Variants in CDH18 observed in about 807,000 individuals in gnomAD.
CDH18 encodes cadherin 18.
A neutral mutation model predicts 67.9 loss-of-function variants in CDH18; 31 were observed. The ratio of observed to expected loss-of-function variants is 0.46; its 90% CI spans 0.34 to 0.62. The LOEUF is 0.62. CDH18 is among the 20% of genes least tolerant of loss of function. The pLI is 0.01. For missense variants in CDH18, 890 were observed against 975.5 expected, an observed-to-expected ratio of 0.91 and a Z score of 1.17; for synonymous variants, 362 against 347.2, an observed-to-expected ratio of 1.04 and a Z score of -0.48.
chr5:19,816,650 T>C (rs1779316560), intron 3 of CDH18, among the ~76,000 whole-genome samples: 1 of 151,804 alleles, frequency 6.6e-6, no homozygotes, highest in Non-Finnish European at 1.5e-5. Flanking sequence ...AAATAGGAAG[T>C]CAGATGTATT....
At chr5:19,917,679 C>A (rs1791979343) in intron 2 of CDH18, among the ~76,000 whole-genome samples, 1 of 152,090 alleles carries the variant, frequency 6.6e-6, no homozygotes, top group South Asian at 2.1e-4. Flanking sequence ...CACAGTAATA[C>A]ATATCATATT....
rs751281107 is a variant in CDH18 at position 19,473,658 on chromosome 5, T to G, written c.1941A>C (p.Ser647=). ...CCACGTTCTCCCGTACATCCTCTTC[T>G]GAAATGATCAAGGGCTCTTTTTTGC... ...RRSKKEPLII[S]EEDVRENVVT... is the part of the protein sequence containing the mutation. Residue 647 remains serine (S), a synonymous_variant, in exon 13 of 13, where the codon TCA becomes TCC. Transcript: ENST00000382275. 6.8e-6 allele frequency: 11 copies of G among 1,613,752 alleles called. No homozygotes were observed. The highest frequency in any genetic ancestry group is 9.3e-6 in the Non-Finnish European group (11 of 1,179,808).
chr5:20,532,523 T>C (rs949713251), intron 1 of CDH18, among the ~76,000 whole-genome samples: 1 of 152,118 alleles, frequency 6.6e-6, no homozygotes, highest in Admixed American at 6.6e-5. Flanking sequence ...TGACCTTCTT[T>C]AACTGATTTC....
chr5:19,506,958 T>C (rs977903150), intron 10 of CDH18, among the ~76,000 whole-genome samples: 1 of 152,006 alleles, frequency 6.6e-6, no homozygotes, highest in African/African-American at 2.4e-5. Context: ...ACCATCAGAG[T>C]GAACAGGCAA....
chr5:19,984,012 T>C (rs1046478928), intron 1 of CDH18, among the ~76,000 whole-genome samples: 1 of 152,188 alleles, frequency 6.6e-6, no homozygotes, highest in African/African-American at 2.4e-5. Context: ...AACATTGAAC[T>C]AAGCATCAGA....
intron 2 of CDH18, among the ~76,000 whole-genome samples, chr5:20,175,154 G>A (rs1737134048): frequency 6.6e-6 from 1 of 151,754 alleles, no homozygotes; most frequent in African/African-American, 2.4e-5. Context: ...ACAAGAGGAA[G>A]AAAAAGGAAA....
intron 7 of CDH18, among the ~76,000 whole-genome samples, chr5:19,589,735 C>G (rs909521190): frequency 5.9e-5 from 9 of 152,022 alleles, no homozygotes; most frequent in African/African-American, 2.2e-4. Flanking sequence ...GCTCTTGTGC[C>G]CACTGACTGC....
At chr5:19,779,194 GCAGA>G (rs1196216361) in intron 3 of CDH18, among the ~76,000 whole-genome samples, 1 of 152,126 alleles carries the variant, frequency 6.6e-6, no homozygotes, top group Admixed American at 6.6e-5. Flanking sequence ...CAAGTTAATA[GCAGA>G]CAGAGACTCA....
At chr5:20,521,179 G>A (rs147499891) in intron 1 of CDH18, among the ~76,000 whole-genome samples, 2 of 152,250 alleles carry the variant, frequency 1.3e-5, no homozygotes, top group East Asian at 1.9e-4. Flanking sequence ...TGGGAGGTGT[G>A]AGGTGTCAAT....
intron 7 of CDH18, among the ~76,000 whole-genome samples, chr5:19,587,606 T>C (rs1196959180): frequency 6.6e-6 from 1 of 151,894 alleles, no homozygotes; most frequent in Non-Finnish European, 1.5e-5. Flanking sequence ...GTGGTAAGTA[T>C]GCAGTCTTAT....
chr5:20,237,032 GA>G (rs1175877785), intron 2 of CDH18, among the ~76,000 whole-genome samples: 1 of 151,806 alleles, frequency 6.6e-6, no homozygotes, highest in Non-Finnish European at 1.5e-5. Context: ...ATTTCTCACA[GA>G]AAAAAATCAA....
At chr5:20,425,426 AAG>A (rs1324958659) in intron 1 of CDH18, among the ~76,000 whole-genome samples, 1 of 151,026 alleles carries the variant, frequency 6.6e-6, no homozygotes, top group Non-Finnish European at 1.5e-5. Context: ...AAAAAAAAGA[AAG>A]AAAAGAAAGA....
chr5:20,377,859 G>A (rs905403541), intron 1 of CDH18, among the ~76,000 whole-genome samples: 1 of 152,148 alleles, frequency 6.6e-6, no homozygotes, highest in African/African-American at 2.4e-5. Context: ...TGACTCAGAG[G>A]AGTTGACTAG....
chr5:19,920,074 T>C (rs1338760990), intron 2 of CDH18, among the ~76,000 whole-genome samples: 1 of 152,186 alleles, frequency 6.6e-6, no homozygotes, highest in Non-Finnish European at 1.5e-5. Context: ...GTTAAAGTAA[T>C]AGCAGACACA....
chr5:20,484,110 G>A lies in CDH18; in HGVS notation c.-580+91352C>T, dbSNP rs6889492. Among the ~76,000 whole-genome samples, 135 of 151,892 alleles carry A rather than the reference G, an allele frequency of 8.9e-4. 2 individuals carry two copies. The East Asian group carries it at 0.021, about 23-fold the overall frequency. On this transcript the variant is annotated intron_variant, in intron 1 of 14. Coordinates refer to the CDH18 transcript ENST00000507958. ...CAAATCTAAGAATCTGAATAAAAAT[G>A]GGCAAAAGGTCTGAATAGAAATTTC... is the stretch of plus-strand genomic sequence containing the variant.
intron 1 of CDH18, among the ~76,000 whole-genome samples, chr5:20,350,643 A>G (rs973884586): frequency 6.6e-6 from 1 of 152,110 alleles, no homozygotes; most frequent in East Asian, 1.9e-4. Context: ...GCTGTGTTTC[A>G]TGACTTTTAT....
chr5:20,464,157 A>C (rs1490008023), intron 1 of CDH18, among the ~76,000 whole-genome samples: 1 of 152,328 alleles, frequency 6.6e-6, no homozygotes. Flanking sequence ...TATAAGCAAC[A>C]ACAGTATCTA....
chr5:20,182,352 C>T (rs779286564), intron 2 of CDH18, among the ~76,000 whole-genome samples: 1 of 151,830 alleles, frequency 6.6e-6, no homozygotes, highest in African/African-American at 2.4e-5. Context: ...CCTACAATTG[C>T]AGAACTTTGG....
chr5:19,909,080 T>C (rs1790838618), intron 2 of CDH18, among the ~76,000 whole-genome samples: 1 of 152,084 alleles, frequency 6.6e-6, no homozygotes, highest in East Asian at 1.9e-4. Context: ...AAAATGAGAA[T>C]AGTAACAGTG....
Sources: gnomAD v4.1 joint callset for allele counts (sites outside exome capture counted in the v4.1 genomes callset) on GRCh38, gnomAD v4.1.1 for gene constraint, MANE v1.5 for transcripts, NCBI Gene and HGNC (gene_info 2026-07-23, HGNC 2026-07-21) for gene names.